Variants in NAALADL2 observed in about 807,000 individuals in gnomAD.
The protein encoded by NAALADL2 is N-acetylated alpha-linked acidic dipeptidase like 2, also known as inactive N-acetylated-alpha-linked acidic dipeptidase-like protein 2.
A neutral mutation model predicts 87.2 loss-of-function variants in NAALADL2; 76 were observed. The observed-to-expected ratio is 0.87, with a 90% CI of 0.72 to 1.05. The LOEUF (loss-of-function observed/expected upper bound fraction) is 1.05. Ranked by LOEUF, NAALADL2 falls within the 50% of genes least tolerant of loss-of-function variation. The pLI is 0.00. For missense variants in NAALADL2, 1,089 were observed against 945.8 expected, an observed-to-expected ratio of 1.15 and a Z score of -1.99; for synonymous variants, 354 against 331.0, an observed-to-expected ratio of 1.07 and a Z score of -0.75.
At chr3:174,561,262 C>T (rs1028331720) in intron 2 of NAALADL2, among the ~76,000 whole-genome samples, 12 of 144,356 alleles carry the variant, frequency 8.3e-5, no homozygotes, top group Non-Finnish European at 1.5e-4. Flanking sequence ...TGCAGTGGTG[C>T]GATCTTGGCT....
chr3:175,564,172 G>A (rs117229930), intron 9 of NAALADL2, among the ~76,000 whole-genome samples: 3 of 151,844 alleles, frequency 2.0e-5, no homozygotes, highest in Admixed American at 6.6e-5. Flanking sequence ...AAAATTAAAC[G>A]AATTACCTCT....
intron 3 of NAALADL2, among the ~76,000 whole-genome samples, chr3:174,774,445 T>A (rs1014443636): frequency 2.0e-5 from 3 of 152,154 alleles, no homozygotes; most frequent in Non-Finnish European, 4.4e-5. Context: ...TACCTTCACA[T>A]CTTGACTTCG....
chr3:175,720,779 A>G (rs1428420888), intron 11 of NAALADL2, among the ~76,000 whole-genome samples: 1 of 151,980 alleles, frequency 6.6e-6, no homozygotes, highest in Non-Finnish European at 1.5e-5. Flanking sequence ...TCAAAATGTT[A>G]AAGAAAAATA....
intron 3 of NAALADL2, among the ~76,000 whole-genome samples, chr3:174,800,365 G>A (rs1339684383): frequency 1.3e-5 from 2 of 152,160 alleles, no homozygotes; most frequent in African/African-American, 2.4e-5. Context: ...AGCTCATGCT[G>A]TTGCTTTATA....
chr3:175,608,130 ATTAC>A (rs1724044392), intron 10 of NAALADL2, among the ~76,000 whole-genome samples: 1 of 151,068 alleles, frequency 6.6e-6, no homozygotes, highest in African/African-American at 2.4e-5. Context: ...GTTATTATTA[ATTAC>A]TTATTTCCAC....
chr3:175,422,057 A>T (rs1715798835), intron 5 of NAALADL2, among the ~76,000 whole-genome samples: 1 of 152,100 alleles, frequency 6.6e-6, no homozygotes, highest in Admixed American at 6.6e-5. Flanking sequence ...GGCTATATTG[A>T]GGAGCCTGGA....
intron 2 of NAALADL2, among the ~76,000 whole-genome samples, chr3:174,560,645 A>G (rs191051740): frequency 6.6e-6 from 1 of 152,214 alleles, no homozygotes; most frequent in East Asian, 1.9e-4. Flanking sequence ...TGGTTTTTGT[A>G]ATTACCTTTA....
intron 9 of NAALADL2, among the ~76,000 whole-genome samples, chr3:175,514,045 C>T (rs577576771): frequency 6.6e-5 from 10 of 152,292 alleles, no homozygotes; most frequent in East Asian, 3.9e-4. Flanking sequence ...GTATTGATTA[C>T]GAGGCTTTAC....
At chr3:174,915,249 T>C (rs1434025696) in intron 1 of NAALADL2, among the ~76,000 whole-genome samples, 2 of 152,144 alleles carry the variant, frequency 1.3e-5, no homozygotes, top group African/African-American at 4.8e-5. Flanking sequence ...GGTGTCATAT[T>C]GTCTTCTGTG....
chr3:175,662,654 T>TTA (rs146970078), intron 11 of NAALADL2, among the ~76,000 whole-genome samples: 6,299 of 151,928 alleles, frequency 0.041, 441 homozygotes, highest in African/African-American at 0.14. Context: ...ACCATTTGAG[T>TTA]TGTTTCTTCC....
chr3:174,868,724 G>T (rs571671303), intron 1 of NAALADL2, among the ~76,000 whole-genome samples: 1 of 152,226 alleles, frequency 6.6e-6, no homozygotes, highest in African/African-American at 2.4e-5. Context: ...GTAGGATGGG[G>T]ACCGTTTAGG....
intron 2 of NAALADL2, among the ~76,000 whole-genome samples, chr3:174,720,500 T>C (rs937040555): frequency 6.6e-5 from 10 of 152,156 alleles, no homozygotes. Context: ...AAAAGTACTT[T>C]GTTATAATTT....
intron 4 of NAALADL2, among the ~76,000 whole-genome samples, chr3:175,262,814 A>G (rs1319828471): frequency 6.6e-6 from 1 of 151,998 alleles, no homozygotes; most frequent in Non-Finnish European, 1.5e-5. Flanking sequence ...CAGTGTCACA[A>G]ATGATGTTTT....
At chr3:174,519,100 G>A in intron 1 of NAALADL2, among the ~76,000 whole-genome samples, 1 of 152,046 alleles carries the variant, frequency 6.6e-6, no homozygotes, top group African/African-American at 2.4e-5. Context: ...ACATATAAAA[G>A]ATATTAATGA....
At chr3:174,872,774 T>G (rs1264461736) in intron 1 of NAALADL2, among the ~76,000 whole-genome samples, 2 of 151,890 alleles carry the variant, frequency 1.3e-5, no homozygotes, top group Non-Finnish European at 2.9e-5. Flanking sequence ...TAGCTTCAGG[T>G]TTCTCTGATA....
At chr3:175,179,911 G>A (rs917739929) in intron 2 of NAALADL2, among the ~76,000 whole-genome samples, 13 of 151,852 alleles carry the variant, frequency 8.6e-5, no homozygotes, top group Admixed American at 5.9e-4. Context: ...ACATAGTATC[G>A]GTATGCATAG....
chr3:175,041,842 T>C (rs1490236314), intron 1 of NAALADL2, among the ~76,000 whole-genome samples: 1 of 152,168 alleles, frequency 6.6e-6, no homozygotes, highest in Non-Finnish European at 1.5e-5. Flanking sequence ...ACAATGTATA[T>C]TTTAATATAT....
intron 2 of NAALADL2, among the ~76,000 whole-genome samples, chr3:175,149,946 A>T (rs2108776090): frequency 6.6e-6 from 1 of 152,294 alleles, no homozygotes; most frequent in East Asian, 1.9e-4. Context: ...TGACAGTAAC[A>T]TCTGGTAGCA....
At chr3:175,178,299 T>C (rs1000464512) in intron 2 of NAALADL2, among the ~76,000 whole-genome samples, 2 of 151,994 alleles carry the variant, frequency 1.3e-5, no homozygotes, top group African/African-American at 4.8e-5. Flanking sequence ...AAAAAAAGGG[T>C]ACATATAATT....
Sources: allele counts gnomAD v4.1 joint callset (sites outside exome capture counted in the v4.1 genomes callset), GRCh38; gene constraint gnomAD v4.1.1; transcripts MANE v1.5; gene names NCBI Gene and HGNC (gene_info 2026-07-23, HGNC 2026-07-21).